Variants in CES4A observed in about 807,000 individuals in gnomAD.
The protein encoded by CES4A is carboxylesterase 4A.
In CES4A, 48 loss-of-function variants were observed where a neutral mutation model predicts 65.4. That is an observed-to-expected ratio of 0.73 (90% CI 0.58 to 0.93). The LOEUF is 0.93. Among genes scored for constraint, CES4A ranks in the 40% least tolerant of loss-of-function variants. The pLI is 0.00. For missense variants in CES4A, 685 were observed against 728.5 expected (o/e 0.94, Z 0.69); for synonymous variants, 247 against 281.8 (o/e 0.88, Z 1.24).
In CES4A at chr16:67,000,474, C is replaced by CG; in HGVS notation, c.261-160dup. On this transcript the variant is annotated intron_variant, in intron 2 of 13. Coordinates refer to ENST00000648724, the Ensembl canonical transcript of CES4A. This position sits in a 1 kb window ranked among gnomAD's most constrained non-coding sequence, Gnocchi z 4.2. ...CAACCTGCCTCCCAGTCCTGGGCCC[C>CG]GGGGCTGGCGGAGGCCTCCTGTACA... is the stretch of plus-strand genomic sequence containing the variant. 7.0e-7 allele frequency: 1 copy of CG among 1,422,732 alleles called. No individual in the cohort carries two copies. Among genetic ancestry groups the CG allele is most frequent in the Non-Finnish European group, 9.2e-7 (1 of 1,091,896 alleles). The allele number at this position is 1,422,732 out of a possible 1,614,324, so 88.1% of individuals were successfully genotyped here. A position where few individuals can be genotyped will look rare whatever the true frequency, so the allele number is the denominator to read the frequency against.
chr16:66,992,154 C>T (rs573461732), intron 1 of CES4A, among the ~76,000 whole-genome samples: 3 of 152,230 alleles, frequency 2.0e-5, no homozygotes, highest in African/African-American at 4.8e-5. Context: ...CACGGCCCCC[C>T]TCTGGGTCTT....
chr16:67,003,344 G>C lies in CES4A; in HGVS notation c.884G>C (p.Arg295Pro). The stretch of plus-strand genomic sequence containing the variant: ...GCACTATCAGGGACCAAGGTGATGC[G>C]TGTGTCCAACAAGATGGTAGGTAGA... The change falls in exon 7 of 14, where the codon CGT (arginine) becomes CCT (proline). Residue 295 changes from arginine (R) to proline (P), a missense_variant. Arg to Pro is a moderately radical substitution (Grantham distance 103, BLOSUM62 -2). Coordinates refer to ENST00000648724, the Ensembl canonical transcript of CES4A. The surrounding 1 kb of genome is among the most constrained non-coding windows in gnomAD (Gnocchi z 4.2). 2.5e-6 allele frequency: 4 copies of C among 1,613,852 alleles called. No homozygotes were observed. Among genetic ancestry groups the C allele is most frequent in the Non-Finnish European group, 3.4e-6 (4 of 1,179,894 alleles).
At chr16:66,989,628 C>T (rs538193624) in intron 1 of CES4A, among the ~76,000 whole-genome samples, 5 of 152,034 alleles carry the variant, frequency 3.3e-5, no homozygotes, top group Admixed American at 1.3e-4. Context: ...GAGGCCGAAG[C>T]GGGCAGATCA....
In CES4A at chr16:67,000,612, C is replaced by T; in HGVS notation, c.261-26C>T. The T allele has an allele frequency of 6.5e-7, 1 of 1,529,782 alleles. No individual in the cohort carries two copies. The highest frequency in any genetic ancestry group is 8.8e-7 in the Non-Finnish European group (1 of 1,135,286). The allele number at this position is 1,529,782 out of a possible 1,614,324, so 94.8% of individuals were successfully genotyped here. A position where few individuals can be genotyped will look rare whatever the true frequency, so the allele number is the denominator to read the frequency against. On this transcript the variant is annotated intron_variant, in intron 2 of 13. Coordinates refer to ENST00000648724, the Ensembl canonical transcript of CES4A. This position sits in a 1 kb window ranked among gnomAD's most constrained non-coding sequence, Gnocchi z 4.2. ...CTGGATTGAAACGATCTCCCCGCGG[C>T]CGCCGCCGCTACCTGGTGCCCGCAG...
At chr16:66,996,604 C>A (rs1964875701) in intron 2 of CES4A, among the ~76,000 whole-genome samples, 1 of 152,202 alleles carries the variant, frequency 6.6e-6, no homozygotes, top group Non-Finnish European at 1.5e-5. Flanking sequence ...TTTATTCAGA[C>A]TATTGAGTAA....
At chr16:67,010,219 C>T (rs1384703076), downstream of CES4A, among the ~76,000 whole-genome samples, 1 of 151,646 alleles carries the variant, frequency 6.6e-6, no homozygotes, top group African/African-American at 2.4e-5. Flanking sequence ...ATGCCCACCA[C>T]CATGCCCGGC....
In CES4A at chr16:67,003,559, C is replaced by T. The variant is rs549292900; in HGVS notation, c.939+6C>T. The stretch of plus-strand genomic sequence containing the variant: ...TCCAGAGAGACCCGGAAGAGGTAAA[C>T]AGGCCACATTCTGCAATTTGAGTAT... On this transcript the variant is annotated splice_donor_region_variant and intron_variant, in intron 8 of 13. Transcript: ENST00000648724. The surrounding 1 kb of genome is among the most constrained non-coding windows in gnomAD (Gnocchi z 4.2). The T allele has an allele frequency of 1.7e-4, 273 of 1,609,714 alleles. 3 individuals carry two copies. In the South Asian group the frequency reaches 2.8e-3, roughly 17 times the overall value.
At chr16:66,994,899 G>A (rs1296360830) in intron 1 of CES4A, among the ~76,000 whole-genome samples, 1 of 151,868 alleles carries the variant, frequency 6.6e-6, no homozygotes, top group Non-Finnish European at 1.5e-5. Flanking sequence ...AGCTACTCAG[G>A]AGGCTGGAGC....
intron 13 of CES4A, chr16:67,008,390 CTCTT>C (rs1343878367): frequency 1.3e-5 from 2 of 152,278 alleles, no homozygotes; most frequent in East Asian, 1.9e-4. Context: ...TTCACACACT[CTCTT>C]TTTTTTTTGT....
At chr16:67,006,924 C>A in intron 13 of CES4A, 107 bp downstream of exon 13, 1 of 1,043,340 alleles carries the variant, frequency 9.6e-7, no homozygotes, top group Non-Finnish European at 1.4e-6. Context: ...AGGAACTGCC[C>A]AGTCGGCCCA....
chr16:66,999,849 C>T (rs1226461100), intron 2 of CES4A, among the ~76,000 whole-genome samples: 2 of 152,068 alleles, frequency 1.3e-5, no homozygotes, highest in Non-Finnish European at 2.9e-5. Flanking sequence ...AGGAAGTGAC[C>T]AGGAGAGGAG....
At chr16:66,988,675 T>A in exon 1 of CES4A, 5 of 1,540,792 alleles carry the variant, frequency 3.2e-6, no homozygotes, top group Non-Finnish European at 4.4e-6. Context: ...CAGATAAAAG[T>A]GTGCTCACAC....
rs1965779412 is a variant in CES4A, at chr16:67,006,592, T to C, written c.1444+73T>C. On this transcript the variant is annotated intron_variant, in intron 12 of 13. Coordinates refer to ENST00000648724, the Ensembl canonical transcript of CES4A. ...CTCTGGATGCAGACCCACCCCTCCA[T>C]TGGCTGGCCACAGGGAGCTCACCAG... is the stretch of plus-strand genomic sequence containing the variant. The C allele has an allele frequency of 3.2e-6, 5 of 1,565,988 alleles. No individual in the cohort carries two copies. The South Asian group carries it at 3.4e-5, about 11-fold the overall frequency.
At position 67,001,346 on chromosome 16, in the gene CES4A, T is replaced by C; in HGVS notation, c.575T>C (p.Leu192Pro). 1 of 1,613,054 alleles carries C rather than the reference T, an allele frequency of 6.2e-7. No homozygotes were observed. Among genetic ancestry groups the C allele is most frequent in the Non-Finnish European group, 8.5e-7 (1 of 1,179,622 alleles). Residue 192 changes from leucine to proline, a missense_variant, in exon 5 of 14, where the codon CTG (leucine) becomes CCG (proline). Transcript: ENST00000648724. This position sits in a 1 kb window ranked among gnomAD's most constrained non-coding sequence, Gnocchi z 4.1. Reference sequence around the variant, plus strand: ...CACGCGCGCGGGAACTGGGGGCTGCTGGACCAGATGGCGGCTCTGCGCTGG... The same window carrying C: ...CACGCGCGCGGGAACTGGGGGCTGCCGGACCAGATGGCGGCTCTGCGCTGG...
At chr16:66,995,312 A>AAAAT (rs56832373) in intron 1 of CES4A, among the ~76,000 whole-genome samples, 5,411 of 151,320 alleles carry the variant, frequency 0.036, 147 homozygotes, top group South Asian at 0.077. Context: ...TCCATCTCAA[A>AAAAT]AAATAAATAA....
At chr16:67,006,166 C>A in intron 11 of CES4A, 5 of 533,032 alleles carry the variant, frequency 9.4e-6, no homozygotes, top group Non-Finnish European at 6.7e-6. Context: ...TTTTAGTATT[C>A]TCAGTCTGAA....
rs973822599 is a variant in CES4A at position 67,000,364 on chromosome 16, G to C, written c.261-274G>C. On this transcript the variant is annotated intron_variant, in intron 2 of 13. Transcript: ENST00000648724. The surrounding 1 kb of genome is among the most constrained non-coding windows in gnomAD (Gnocchi z 4.2). ...ACAGGGAGGTGCCCAGGGCAGGCAG[G>C]TTCCTGCCTTGACAGCACCAACAGG... 1.6e-6 allele frequency: 1 copy of C among 619,970 alleles called. No individual in the cohort carries two copies. Among genetic ancestry groups the C allele is most frequent in the African/African-American group, 2.0e-5 (1 of 50,028 alleles). The allele number at this position is 619,970 out of a possible 1,614,324, so 38.4% of individuals were successfully genotyped here. A position where few individuals can be genotyped will look rare whatever the true frequency, so the allele number is the denominator to read the frequency against.
chr16:67,004,647 A>T, intron 9 of CES4A, 146 bp from the exon 10 acceptor site: 1 of 664,628 alleles, frequency 1.5e-6, no homozygotes. Flanking sequence ...GGGACAAGAG[A>T]GAGTCATGGG....
Position 67,003,613 on chromosome 16 carries a change from C to T in CES4A, c.939+60C>T. Reference sequence around the variant, plus strand: ...TTTAACACCTACTTTGTGCCAGGCACTTGGGATACTTAGGGAATTGTTCAG... The same window carrying T: ...TTTAACACCTACTTTGTGCCAGGCATTTGGGATACTTAGGGAATTGTTCAG... On this transcript the variant is annotated intron_variant, in intron 8 of 13. Coordinates refer to ENST00000648724, the Ensembl canonical transcript of CES4A. This position sits in a 1 kb window ranked among gnomAD's most constrained non-coding sequence, Gnocchi z 4.2. 7.3e-7 allele frequency: 1 copy of T among 1,364,420 alleles called. No homozygotes were observed. The highest frequency in any genetic ancestry group is 1.0e-6 in the Non-Finnish European group (1 of 952,686). The allele number at this position is 1,364,420 out of a possible 1,614,324, so 84.5% of individuals were successfully genotyped here. A position where few individuals can be genotyped will look rare whatever the true frequency, so the allele number is the denominator to read the frequency against.
Sources: allele counts gnomAD v4.1 joint callset (sites outside exome capture counted in the v4.1 genomes callset), GRCh38; gene constraint gnomAD v4.1.1; non-coding constraint Gnocchi (gnomAD v3.1); transcripts MANE v1.5; gene names NCBI Gene and HGNC (gene_info 2026-07-23, HGNC 2026-07-21).